Variants in NOL12 observed in about 807,000 individuals in gnomAD.
The protein encoded by NOL12 is nucleolar protein 12.
In NOL12, 21 loss-of-function variants were observed where a neutral mutation model predicts 25.2. The ratio of observed to expected loss-of-function variants is 0.83; its 90% CI spans 0.59 to 1.20. The LOEUF (loss-of-function observed/expected upper bound fraction) is 1.20, where lower values mean the gene tolerates loss of function less well. Ranked by LOEUF, NOL12 falls within the 50% of genes most tolerant of loss-of-function variation. The pLI is 0.00. For missense variants in NOL12, 286 were observed against 287.6 expected, an observed-to-expected ratio of 0.99 and a Z score of 0.04; for synonymous variants, 133 against 113.8, an observed-to-expected ratio of 1.17 and a Z score of -1.08.
At chr22:37,686,597 A>C (rs921395962) in intron 1 of NOL12, 122 bp downstream of exon 1, 11 of 1,365,264 alleles carry the variant, frequency 8.1e-6, no homozygotes, top group South Asian at 3.6e-5. Context: ...TGGCTAGAGA[A>C]CCCCTCTCGG....
chr22:37,686,473 G>C lies in NOL12; in HGVS notation c.81G>C (p.Arg27Ser). 1 of 1,598,282 alleles carries C rather than the reference G, an allele frequency of 6.3e-7. No homozygotes were observed. Among genetic ancestry groups the C allele is most frequent in the Non-Finnish European group, 8.5e-7 (1 of 1,174,110 alleles). ...TTCTTAGCTTCGACGAGGAGAAGAG[G>C]CGGTGAGTGGCAAAGCCGGACCGGA... ...RLVLSFDEEKRREYLTGFHKR... is the reference protein window; with the variant it reads ...RLVLSFDEEKSREYLTGFHKR... Residue 27 changes from arginine to serine, a missense_variant and splice_region_variant, in exon 1 of 6, where the codon AGG becomes AGC. Arg to Ser is a moderately radical substitution (Grantham distance 110, BLOSUM62 -1). Coordinates refer to ENST00000359114, the MANE Select transcript of NOL12 (RefSeq NM_024313.3).
chr22:37,691,670 G>T lies in NOL12; in HGVS notation c.*334G>T, dbSNP rs551159562. 1.2e-5 allele frequency: 3 copies of T among 253,538 alleles called. No homozygotes were observed. The East Asian group carries it at 2.3e-4, about 19-fold the overall frequency. 15.7% of individuals were successfully genotyped at this position (253,538 alleles called of 1,614,324 possible). A position where few individuals can be genotyped will look rare whatever the true frequency, so the allele number is the denominator to read the frequency against. On this transcript the variant is annotated 3_prime_UTR_variant, in exon 6 of 6. Transcript: ENST00000359114. ...TGTTTGTCCTTGATACCACGCACAAGGGCAGGTTTTTGGGGTGGTGGAAAT... is the reference window on the plus strand; with the variant it reads ...TGTTTGTCCTTGATACCACGCACAATGGCAGGTTTTTGGGGTGGTGGAAAT...
At position 37,691,236 on chromosome 22, in the gene NOL12, C is replaced by A. The variant is rs769913639; in HGVS notation, c.542C>A (p.Pro181His). 1 of 1,614,114 alleles carries A rather than the reference C, an allele frequency of 6.2e-7. No individual in the cohort carries two copies. The highest frequency in any genetic ancestry group is 8.5e-7 in the Non-Finnish European group (1 of 1,179,994). The change falls in exon 6 of 6, where the codon CCC (proline) becomes CAC (histidine). Residue 181 changes from proline (P) to histidine (H), a missense_variant. By Grantham distance (77) the Pro-to-His change is moderately conservative (BLOSUM62 -2). Transcript: ENST00000359114. Reference protein sequence around the residue: ...HSRKKVKRKHPRRAQDSKKPP... With the variant: ...HSRKKVKRKHHRRAQDSKKPP... ...CGCAAAAAGGTCAAGAGGAAACATCCCCGACGGGCCCAGGACTCCAAAAAG... is the reference window on the plus strand; with the variant it reads ...CGCAAAAAGGTCAAGAGGAAACATCACCGACGGGCCCAGGACTCCAAAAAG...
chr22:37,687,872 TAATGACTCTCCTGTCTCTGC>T lies in NOL12; in HGVS notation c.84-37_84-18del, dbSNP rs776614305. ...TAGAGCGAGCCCTTCTCTCCTTGTA[TAATGACTCTCCTGTCTCTGC>T]CGGCTTCCTTCCTGTAGGGAGTACC... On this transcript the variant is annotated intron_variant, in intron 1 of 5. Transcript: ENST00000359114. The T allele has an allele frequency of 1.0e-4, 155 of 1,493,060 alleles. No homozygotes were observed. The highest frequency in any genetic ancestry group is 1.4e-4 in the Non-Finnish European group (150 of 1,094,732). 92.5% of individuals were successfully genotyped at this position (1,493,060 alleles called of 1,614,324 possible). A position where few individuals can be genotyped will look rare whatever the true frequency, so the allele number is the denominator to read the frequency against.
Position 37,687,900 on chromosome 22 carries a change from C to T in NOL12, c.84-10C>T, listed in dbSNP as rs1921892938. On this transcript the variant is annotated splice_polypyrimidine_tract_variant and intron_variant, in intron 1 of 5. Coordinates refer to ENST00000359114, the MANE Select transcript of NOL12 (RefSeq NM_024313.3). ...TGACTCTCCTGTCTCTGCCGGCTTC[C>T]TTCCTGTAGGGAGTACCTGACAGGC... 3 of 1,560,194 alleles carry T rather than the reference C, an allele frequency of 1.9e-6. No homozygotes were observed. The highest frequency in any genetic ancestry group is 1.4e-5 in the African/African-American group (1 of 73,672).
chr22:37,689,034 C>T (rs1357759496), intron 4 of NOL12, 42 bp downstream of exon 4: 2 of 1,600,574 alleles, frequency 1.2e-6, no homozygotes, highest in Admixed American at 1.7e-5. Context: ...GGCGTGGGGG[C>T]AGACCAGCTT....
chr22:37,686,580 C>T (rs1921825141), intron 1 of NOL12, 105 bp downstream of exon 1: 2 of 1,402,748 alleles, frequency 1.4e-6, no homozygotes, highest in East Asian at 3.0e-5. Context: ...GGTCCCGCCC[C>T]CTGGCGTGGC....
chr22:37,686,807 G>A (rs1481216228), intron 1 of NOL12: 10 of 985,334 alleles, frequency 1.0e-5, no homozygotes, highest in Non-Finnish European at 1.2e-5. Context: ...TAAATGATGA[G>A]CCAATGAAAT....
rs1373274110 is a variant in NOL12, at chr22:37,693,465, G to T, written c.*2129G>T. ...AGTGTTTACCAGTATTAAATTCTCA[G>T]CCACTCCTTTCCATGTGTGCCTTCA... is the stretch of plus-strand genomic sequence containing the variant. On this transcript the variant is annotated 3_prime_UTR_variant, in exon 6 of 6. Coordinates refer to ENST00000359114, the MANE Select transcript of NOL12 (RefSeq NM_024313.3). 3 of 152,222 alleles carry T rather than the reference G, an allele frequency of 2.0e-5. No homozygotes were observed. Among genetic ancestry groups the T allele is most frequent in the African/African-American group, 7.2e-5 (3 of 41,432 alleles). 9.4% of individuals were successfully genotyped at this position (152,222 alleles called of 1,614,324 possible).
chr22:37,691,411 C>G lies in NOL12; in HGVS notation c.*75C>G. The G allele has an allele frequency of 6.9e-7, 1 of 1,455,398 alleles. No homozygotes were observed. The highest frequency in any genetic ancestry group is 9.2e-7 in the Non-Finnish European group (1 of 1,088,418). 90.2% of individuals were successfully genotyped at this position (1,455,398 alleles called of 1,614,324 possible). ...GCTCAGCTTGGCTGTCCCTGTAGCC[C>G]AGCCTGCACCTAGGTAATGACTGCA... is the stretch of plus-strand genomic sequence containing the variant. On this transcript the variant is annotated 3_prime_UTR_variant, in exon 6 of 6. Coordinates refer to ENST00000359114, the MANE Select transcript of NOL12 (RefSeq NM_024313.3).
At chr22:37,687,164 T>G (rs2145795097) in intron 1 of NOL12, 1 of 900,708 alleles carries the variant, frequency 1.1e-6, no homozygotes, top group East Asian at 1.2e-4. Flanking sequence ...GTGCAGGGTT[T>G]CCGAAGGTCT....
Position 37,691,409 on chromosome 22 carries a change from C to G in NOL12, c.*73C>G, listed in dbSNP as rs1231859837. On this transcript the variant is annotated 3_prime_UTR_variant, in exon 6 of 6. Transcript: ENST00000359114. ...TTGCTCAGCTTGGCTGTCCCTGTAG[C>G]CCAGCCTGCACCTAGGTAATGACTG... The G allele has an allele frequency of 2.6e-5, 39 of 1,473,418 alleles. No individual in the cohort carries two copies. Among genetic ancestry groups the G allele is most frequent in the Non-Finnish European group, 3.3e-5 (36 of 1,101,684 alleles). The allele number at this position is 1,473,418 out of a possible 1,614,324, so 91.3% of individuals were successfully genotyped here.
At position 37,691,531 on chromosome 22, in the gene NOL12, GGAGCAGGCAGCTGA is replaced by G; in HGVS notation, c.*204_*217del. ...TTTGCCTGGGGTTTGAATTCCCGAA[GGAGCAGGCAGCTGA>G]GAGCAGGCCTCCCCCAGGAAGAGCC... On this transcript the variant is annotated 3_prime_UTR_variant, in exon 6 of 6. Transcript: ENST00000359114. 1 of 613,386 alleles carries G rather than the reference GGAGCAGGCAGCTGA, an allele frequency of 1.6e-6. No homozygotes were observed. Among genetic ancestry groups the G allele is most frequent in the Non-Finnish European group, 2.6e-6 (1 of 386,158 alleles). 38.0% of individuals were successfully genotyped at this position (613,386 alleles called of 1,614,324 possible). A position where few individuals can be genotyped will look rare whatever the true frequency, so the allele number is the denominator to read the frequency against.
At chr22:37,687,036 A>T in intron 1 of NOL12, 1 of 985,428 alleles carries the variant, frequency 1.0e-6, no homozygotes, top group South Asian at 4.7e-5. Flanking sequence ...GGCTGAGATT[A>T]GACCGAGGGA....
At chr22:37,686,877 C>T in intron 1 of NOL12, 8 of 985,436 alleles carry the variant, frequency 8.1e-6, no homozygotes, top group Non-Finnish European at 9.6e-6. Context: ...CTTTGGTGTG[C>T]CAGGTCCCGT....
At position 37,691,472 on chromosome 22, in the gene NOL12, TG is replaced by T; in HGVS notation, c.*140del. On this transcript the variant is annotated 3_prime_UTR_variant, in exon 6 of 6. Transcript: ENST00000359114. ...TTGGGAAGCCAGGACCTCTCTGGCC[TG>T]GGGCCAGCTGCCTTTGCCTGGGGTC... The T allele has an allele frequency of 2.1e-6, 2 of 963,316 alleles. No individual in the cohort carries two copies. The highest frequency in any genetic ancestry group is 2.6e-5 in the South Asian group (1 of 38,886). The allele number at this position is 963,316 out of a possible 1,614,324, so 59.7% of individuals were successfully genotyped here.
In NOL12 at chr22:37,691,265, C is replaced by T. The variant is rs767390432; in HGVS notation, c.571C>T (p.Pro191Ser). 5.0e-6 allele frequency: 8 copies of T among 1,614,056 alleles called. No individual in the cohort carries two copies. The East Asian group carries it at 1.6e-4, about 31-fold the overall frequency. Residue 191 changes from proline to serine, a missense_variant, in exon 6 of 6, where the codon CCA becomes TCA. Coordinates refer to ENST00000359114, the MANE Select transcript of NOL12 (RefSeq NM_024313.3). ...PRRAQDSKKP[P>S]RAPRTSKAQR... The stretch of plus-strand genomic sequence containing the variant: ...ACGGGCCCAGGACTCCAAAAAGCCC[C>T]CAAGGGCCCCTCGTACCAGCAAGGC...
chr22:37,690,283 T>C (rs1032901460), intron 4 of NOL12, among the ~76,000 whole-genome samples: 2 of 152,236 alleles, frequency 1.3e-5, no homozygotes, highest in African/African-American at 2.4e-5. Context: ...TGAGCCACGA[T>C]TGTGCCACTG....
At position 37,688,841 on chromosome 22, in the gene NOL12, C is replaced by T. The variant is rs775565031; in HGVS notation, c.239-9C>T. On this transcript the variant is annotated splice_polypyrimidine_tract_variant and intron_variant, in intron 3 of 5. Coordinates refer to ENST00000359114, the MANE Select transcript of NOL12 (RefSeq NM_024313.3). ...GTGACTGAGACCAGGTCTGTGTCCA[C>T]CCCCACAGAGGAGGCAGATGAGCTG... 16 of 1,613,622 alleles carry T rather than the reference C, an allele frequency of 9.9e-6. No individual in the cohort carries two copies. Among genetic ancestry groups the T allele is most frequent in the African/African-American group, 4.0e-5 (3 of 74,912 alleles).
Sources: gnomAD v4.1 joint callset for allele counts (sites outside exome capture counted in the v4.1 genomes callset) on GRCh38, gnomAD v4.1.1 for gene constraint, MANE v1.5 for transcripts, NCBI Gene and HGNC (gene_info 2026-07-23, HGNC 2026-07-21) for gene names.